The following NMU variants were observed in gnomAD, a reference collection of about 807,000 sequenced individuals.
The protein encoded by NMU is neuromedin-U.
In NMU, 29 loss-of-function variants were observed where a neutral mutation model predicts 35.4. The observed-to-expected ratio is 0.82, with a 90% CI of 0.61 to 1.12. NMU has a LOEUF of 1.12. Ranked by LOEUF, NMU falls within the 50% of genes most tolerant of loss-of-function variation. The pLI, the probability that NMU is intolerant of heterozygous loss-of-function variation, is 0.00. For missense variants in NMU, 199 were observed against 206.2 expected (o/e 0.97, Z 0.21); for synonymous variants, 78 against 81.3 (o/e 0.96, Z 0.22).
intron 7 of NMU, among the ~76,000 whole-genome samples, chr4:55,603,306 C>G (rs1733502685): frequency 6.6e-6 from 1 of 151,788 alleles, no homozygotes; most frequent in Non-Finnish European, 1.5e-5. Flanking sequence ...GCCACTGCGC[C>G]CAGCCTGAAT....
chr4:55,628,389 A>T (rs1390685651), intron 2 of NMU, among the ~76,000 whole-genome samples: 2 of 152,062 alleles, frequency 1.3e-5, no homozygotes, highest in African/African-American at 4.8e-5. Context: ...GCCTTTTGAA[A>T]TCAGTACTAC....
In NMU at chr4:55,609,066, CA is replaced by C. The variant is rs1733820815; in HGVS notation, c.279+53del. ...GCATATTTTCTTCCAGGAGAAATTC[CA>C]AGAAATTTTTGGATAATTTTTGTCT... On this transcript the variant is annotated intron_variant, in intron 4 of 9. Transcript: ENST00000264218. 1.5e-5 allele frequency: 22 copies of C among 1,470,592 alleles called. 1 individual carries two copies. In the South Asian group the frequency reaches 2.5e-4, roughly 17 times the overall value. The allele number at this position is 1,470,592 out of a possible 1,614,324, so 91.1% of individuals were successfully genotyped here.
intron 8 of NMU, among the ~76,000 whole-genome samples, chr4:55,600,074 T>C (rs1270536375): frequency 6.6e-6 from 1 of 152,128 alleles, no homozygotes; most frequent in Non-Finnish European, 1.5e-5. Flanking sequence ...ACAAACAAAA[T>C]CAGAACTGTA....
In NMU at chr4:55,636,018, G is replaced by A. The variant is rs2110218648; in HGVS notation, c.112+63C>T. 1 of 1,532,394 alleles carries A rather than the reference G, an allele frequency of 6.5e-7. No homozygotes were observed. The highest frequency in any genetic ancestry group is 1.4e-5 in the African/African-American group (1 of 72,690). The allele number at this position is 1,532,394 out of a possible 1,614,324, so 94.9% of individuals were successfully genotyped here. On this transcript the variant is annotated intron_variant, in intron 1 of 9. Transcript: ENST00000264218. The surrounding 1 kb of genome is among the most constrained non-coding windows in gnomAD (Gnocchi z 4.0). ...TGAGAGAAAGAGGGTGGAGGAGAGC[G>A]GTGAGTGGAGCCAGAGAGAGGCGCG...
At chr4:55,598,991 C>T (rs1733315761) in intron 9 of NMU, among the ~76,000 whole-genome samples, 151 bp downstream of exon 9, 1 of 152,138 alleles carries the variant, frequency 6.6e-6, no homozygotes, top group Admixed American at 6.5e-5. Flanking sequence ...TTATATGGAA[C>T]ATTCATGTAC....
At chr4:55,614,626 G>C (rs1179174372) in intron 3 of NMU, among the ~76,000 whole-genome samples, 6 of 152,024 alleles carry the variant, frequency 3.9e-5, no homozygotes, top group Admixed American at 2.6e-4. Flanking sequence ...AATTTCAATT[G>C]CAAATGTAAA....
At chr4:55,611,345 A>G (rs1733922039) in intron 3 of NMU, among the ~76,000 whole-genome samples, 1 of 152,238 alleles carries the variant, frequency 6.6e-6, no homozygotes, top group Admixed American at 6.5e-5. Context: ...CCTGGATGAC[A>G]GAATGAAACC....
chr4:55,595,549 T>TAC (rs1733134401), intron 9 of NMU, 138 bp from the exon 10 acceptor site: 1 of 121,998 alleles, frequency 8.2e-6, no homozygotes, highest in East Asian at 3.4e-4. Flanking sequence ...GCTGTATATA[T>TAC]ATATATATAT....
intron 3 of NMU, among the ~76,000 whole-genome samples, chr4:55,614,851 T>C (rs902443834): frequency 1.3e-5 from 2 of 152,234 alleles, no homozygotes; most frequent in Non-Finnish European, 2.9e-5. Context: ...GTTATTAATA[T>C]ATATCTGCCA....
intron 3 of NMU, among the ~76,000 whole-genome samples, chr4:55,614,400 T>G (rs1734041022): frequency 6.6e-6 from 1 of 152,190 alleles, no homozygotes; most frequent in African/African-American, 2.4e-5. Context: ...GAACAATTTC[T>G]GCATAGCATG....
intron 3 of NMU, among the ~76,000 whole-genome samples, chr4:55,613,103 G>A (rs1005789174): frequency 6.6e-6 from 1 of 152,022 alleles, no homozygotes; most frequent in Admixed American, 6.6e-5. Flanking sequence ...AGCTAAACAC[G>A]GATGCACGTG....
chr4:55,634,687 C>G (rs1715803983), intron 1 of NMU, among the ~76,000 whole-genome samples: 1 of 152,154 alleles, frequency 6.6e-6, no homozygotes, highest in South Asian at 2.1e-4. Context: ...CTTAAGAAGG[C>G]AGATAAAGAT....
chr4:55,599,005 T>A, intron 9 of NMU, 137 bp downstream of exon 9: 1 of 627,504 alleles, frequency 1.6e-6, no homozygotes, highest in Non-Finnish European at 2.9e-6. Context: ...CATGTACATA[T>A]GCAATCAAAT....
At chr4:55,597,147 CATTA>C (rs1350589233) in intron 9 of NMU, among the ~76,000 whole-genome samples, 1 of 151,920 alleles carries the variant, frequency 6.6e-6, no homozygotes, top group African/African-American at 2.4e-5. Context: ...TAAATTTTTA[CATTA>C]ATATTTATAA....
intron 1 of NMU, among the ~76,000 whole-genome samples, chr4:55,631,777 T>C (rs543958031): frequency 1.3e-5 from 2 of 152,294 alleles, no homozygotes; most frequent in South Asian, 2.1e-4. Context: ...GAACCAAAAG[T>C]AGATCTACAG....
In NMU at chr4:55,636,131, G is replaced by C. The variant is rs1478413466; in HGVS notation, c.62C>G (p.Pro21Arg). Residue 21 changes from proline (P) to arginine (R), a missense_variant, in exon 1 of 10, where the codon CCG (proline) becomes CGG (arginine). Transcript: ENST00000264218. The surrounding 1 kb of genome is among the most constrained non-coding windows in gnomAD (Gnocchi z 4.0). ...GAGCAGCAGCAGCAGCAGCAGGAGC[G>C]GGGACGCCGCGGCCACCTGTCCGGC... Reference protein sequence around the residue: ...SPAGQVAAASPLLLLLLLLAW... With the variant: ...SPAGQVAAASRLLLLLLLLAW... 2.0e-6 allele frequency: 3 copies of C among 1,525,416 alleles called. No homozygotes were observed. Among genetic ancestry groups the C allele is most frequent in the Non-Finnish European group, 2.6e-6 (3 of 1,142,512 alleles). 94.5% of individuals were successfully genotyped at this position (1,525,416 alleles called of 1,614,324 possible). A position where few individuals can be genotyped will look rare whatever the true frequency, so the allele number is the denominator to read the frequency against.
At chr4:55,633,823 G>T (rs367592636) in intron 1 of NMU, among the ~76,000 whole-genome samples, 1 of 152,248 alleles carries the variant, frequency 6.6e-6, no homozygotes, top group South Asian at 2.1e-4. Context: ...GGCAGGAAAA[G>T]ACACTCCTTA....
chr4:55,629,143 G>A (rs1173457625), intron 2 of NMU, among the ~76,000 whole-genome samples: 4 of 152,040 alleles, frequency 2.6e-5, no homozygotes, highest in African/African-American at 9.7e-5. Flanking sequence ...AAAACATTTG[G>A]AAGGCATATT....
At chr4:55,634,195 C>T (rs925217625) in intron 1 of NMU, among the ~76,000 whole-genome samples, 9 of 151,146 alleles carry the variant, frequency 6.0e-5, no homozygotes, top group Middle Eastern at 3.4e-3. Flanking sequence ...ATGTATGTCA[C>T]GCCCCCCTCG....
Sources: allele counts gnomAD v4.1 joint callset (sites outside exome capture counted in the v4.1 genomes callset), GRCh38; gene constraint gnomAD v4.1.1; non-coding constraint Gnocchi (gnomAD v3.1); transcripts MANE v1.5; gene names NCBI Gene and HGNC (gene_info 2026-07-23, HGNC 2026-07-21).